CCND1: variants seen among roughly 807,000 people sequenced by gnomAD.
CCND1 encodes the protein cyclin D1, also known as G1/S-specific cyclin-D1.
CCND1 carries 9 observed loss-of-function variants against 26.1 expected under a neutral mutation model. The observed-to-expected ratio is 0.35, with a 90% confidence interval of 0.21 to 0.60. CCND1 has a LOEUF of 0.60. Ranked by LOEUF, CCND1 falls within the 20% of genes least tolerant of loss-of-function variation. CCND1 has a pLI of 0.79. For synonymous variants in CCND1, 194 were observed against 166.1 expected (o/e 1.17, Z -1.29); for missense variants, 335 against 392.9 (o/e 0.85, Z 1.25).
At chr11:69,643,785 G>C (rs1390082836) in intron 2 of CCND1, 47 bp from the exon 3 acceptor site, 1 of 1,565,516 alleles carries the variant, frequency 6.4e-7, no homozygotes, top group Non-Finnish European at 8.7e-7. Context: ...CCGCGCCCCC[G>C]GGCTGGCCCG....
chr11:69,646,564 G>A (rs542039472), intron 3 of CCND1, among the ~76,000 whole-genome samples: 1 of 152,304 alleles, frequency 6.6e-6, no homozygotes, highest in East Asian at 1.9e-4. Context: ...CGCGAGATGA[G>A]GCGATGGGGC....
intron 1 of CCND1, 70 bp downstream of exon 1, chr11:69,641,581 A>G (rs1855700596): frequency 7.1e-7 from 1 of 1,410,966 alleles, no homozygotes. Flanking sequence ...TTTCTTTGCT[A>G]CTCACCCCCC....
At chr11:69,650,325 C>T (rs3212887) in intron 4 of CCND1, among the ~76,000 whole-genome samples, 2,899 of 152,332 alleles carry the variant, frequency 0.019, 94 homozygotes, top group African/African-American at 0.066. Context: ...GGGACTTGCC[C>T]GTGGTGGAGC....
In CCND1 at chr11:69,654,408, G is replaced by A. The variant is rs763928703; in HGVS notation, c.*3126G>A. 1.9e-5 allele frequency: 13 copies of A among 695,258 alleles called. No homozygotes were observed. Among genetic ancestry groups the A allele is most frequent in the South Asian group, 3.0e-5 (2 of 67,166 alleles). 43.1% of individuals were successfully genotyped at this position (695,258 alleles called of 1,614,324 possible). On this transcript the variant is annotated 3_prime_UTR_variant, in exon 5 of 5. Transcript: ENST00000227507. This position sits in a 1 kb window ranked among gnomAD's most constrained non-coding sequence, Gnocchi z 6.3. ...CGCTTCCCAGCACCAACATGTAACCGGCATGTTTCCAGCAGAAGACAAAAA... is the reference window on the plus strand; with the variant it reads ...CGCTTCCCAGCACCAACATGTAACCAGCATGTTTCCAGCAGAAGACAAAAA...
rs909330324 is a variant in CCND1 at position 69,654,179 on chromosome 11, G to A, written c.*2897G>A. 3.3e-5 allele frequency: 23 copies of A among 701,680 alleles called. No individual in the cohort carries two copies. Among genetic ancestry groups the A allele is most frequent in the East Asian group, 1.3e-4 (5 of 37,190 alleles). 43.5% of individuals were successfully genotyped at this position (701,680 alleles called of 1,614,324 possible). On this transcript the variant is annotated 3_prime_UTR_variant, in exon 5 of 5. Coordinates refer to ENST00000227507, the MANE Select transcript of CCND1 (RefSeq NM_053056.3). This position sits in a 1 kb window ranked among gnomAD's most constrained non-coding sequence, Gnocchi z 6.3. ...TTACCTCAACCATCCTGGCTGCGGC[G>A]TCTGTCTGAACCACGCGGGGGCCTT...
intron 3 of CCND1, 97 bp downstream of exon 3, chr11:69,644,088 A>G (rs1590913715): frequency 1.6e-6 from 2 of 1,226,306 alleles, no homozygotes; most frequent in South Asian, 1.2e-5. Flanking sequence ...GCTGTCTGGG[A>G]AGATGTCCCC....
intron 1 of CCND1, among the ~76,000 whole-genome samples, chr11:69,642,155 T>C (rs1855714588): frequency 1.3e-5 from 2 of 150,690 alleles, no homozygotes; most frequent in Admixed American, 6.6e-5. Flanking sequence ...GGGGGGGCCT[T>C]TGTTCAAGCA....
In CCND1 at chr11:69,651,219, A is replaced by G. The variant is rs1385838367; in HGVS notation, c.825A>G (p.Glu275=). 1.9e-6 allele frequency: 3 copies of G among 1,603,652 alleles called. No homozygotes were observed. Among genetic ancestry groups the G allele is most frequent in the South Asian group, 1.1e-5 (1 of 90,432 alleles). ...ACCCCAAGGCCGCCGAGGAGGAGGA[A>G]GAGGAGGAGGAGGAGGTGGACCTGG... ...NMDPKAAEEE[E]EEEEEVDLAC... Residue 275 remains glutamate, a synonymous_variant, in exon 5 of 5, where the codon GAA becomes GAG. Coordinates refer to ENST00000227507, the MANE Select transcript of CCND1 (RefSeq NM_053056.3).
In CCND1 at chr11:69,651,271, G is replaced by C. The variant is rs1225090625; in HGVS notation, c.877G>C (p.Val293Leu). 1 of 1,530,968 alleles carries C rather than the reference G, an allele frequency of 6.5e-7. No individual in the cohort carries two copies. The highest frequency in any genetic ancestry group is 8.8e-7 in the Non-Finnish European group (1 of 1,135,838). The allele number at this position is 1,530,968 out of a possible 1,614,324, so 94.8% of individuals were successfully genotyped here. Residue 293 changes from valine (V) to leucine (L), a missense_variant, in exon 5 of 5, where the codon GTG becomes CTG. Coordinates refer to ENST00000227507, the MANE Select transcript of CCND1 (RefSeq NM_053056.3). ...LACTPTDVRD[V>L]DI is the part of the protein sequence containing the mutation. ...TTGCACACCCACCGACGTGCGGGAC[G>C]TGGACATCTGAGGGCGCCAGGCAGG...
chr11:69,649,161 C>G (rs1855823790), intron 4 of CCND1, among the ~76,000 whole-genome samples: 3 of 152,220 alleles, frequency 2.0e-5, no homozygotes, highest in Admixed American at 2.0e-4. Context: ...GCCCGCAGCT[C>G]TCTCAGGAAA....
At chr11:69,646,431 TCG>T (rs1156848308) in intron 3 of CCND1, among the ~76,000 whole-genome samples, 1 of 152,132 alleles carries the variant, frequency 6.6e-6, no homozygotes, top group Non-Finnish European at 1.5e-5. Flanking sequence ...GTTTATTCTC[TCG>T]GGATGAAGTC....
At chr11:69,647,898 G>A (rs969935859) in intron 3 of CCND1, 96 bp from the exon 4 acceptor site, 5 of 1,440,544 alleles carry the variant, frequency 3.5e-6, no homozygotes, top group African/African-American at 1.4e-5. Flanking sequence ...AGGCCGGGCC[G>A]CTTGCTCAGA....
At chr11:69,648,407 G>A (rs1478484939) in intron 4 of CCND1, among the ~76,000 whole-genome samples, 4 of 152,376 alleles carry the variant, frequency 2.6e-5, no homozygotes, top group African/African-American at 7.2e-5. Flanking sequence ...TGGGCGAAGC[G>A]TCCGGGACGG....
chr11:69,653,003 C>T lies in CCND1; in HGVS notation c.*1721C>T, dbSNP rs1037680665. On this transcript the variant is annotated 3_prime_UTR_variant, in exon 5 of 5. Transcript: ENST00000227507. ...AGGGTACTCAACCTAAGTTCGGTTC[C>T]GATGAATTCTTATCCCCTGCCCCTT... The T allele has an allele frequency of 9.4e-6, 4 of 425,970 alleles. No homozygotes were observed. Among genetic ancestry groups the T allele is most frequent in the South Asian group, 4.5e-5 (1 of 22,010 alleles). The allele number at this position is 425,970 out of a possible 1,614,324, so 26.4% of individuals were successfully genotyped here. A position where few individuals can be genotyped will look rare whatever the true frequency, so the allele number is the denominator to read the frequency against.
chr11:69,644,445 G>A (rs558736220), intron 3 of CCND1, among the ~76,000 whole-genome samples: 3 of 152,308 alleles, frequency 2.0e-5, no homozygotes, highest in Admixed American at 6.5e-5. Flanking sequence ...GCCTCCAGGG[G>A]CGGGGAGAGC....
chr11:69,654,390 C>T lies in CCND1; in HGVS notation c.*3108C>T. 1 of 700,230 alleles carries T rather than the reference C, an allele frequency of 1.4e-6. No homozygotes were observed. Among genetic ancestry groups the T allele is most frequent in the Non-Finnish European group, 2.6e-6 (1 of 383,438 alleles). 43.4% of individuals were successfully genotyped at this position (700,230 alleles called of 1,614,324 possible). A position where few individuals can be genotyped will look rare whatever the true frequency, so the allele number is the denominator to read the frequency against. ...TTTCTGGTTGCACCGCGGCGCTTCCCAGCACCAACATGTAACCGGCATGTT... is the reference window on the plus strand; with the variant it reads ...TTTCTGGTTGCACCGCGGCGCTTCCTAGCACCAACATGTAACCGGCATGTT... On this transcript the variant is annotated 3_prime_UTR_variant, in exon 5 of 5. Coordinates refer to ENST00000227507, the MANE Select transcript of CCND1 (RefSeq NM_053056.3). This position sits in a 1 kb window ranked among gnomAD's most constrained non-coding sequence, Gnocchi z 6.3.
At chr11:69,646,554 C>T (rs950122569) in intron 3 of CCND1, among the ~76,000 whole-genome samples, 1 of 152,180 alleles carries the variant, frequency 6.6e-6, no homozygotes. Context: ...CGCTCAGTGG[C>T]GCGAGATGAG....
intron 4 of CCND1, 29 bp from the exon 5 acceptor site, chr11:69,651,089 C>T (rs1402332678): frequency 6.2e-7 from 1 of 1,601,704 alleles, no homozygotes; most frequent in East Asian, 2.3e-5. Flanking sequence ...ACCCCCTCTT[C>T]CCACCTCTCC....
At chr11:69,643,754 G>A (rs1213341979) in intron 2 of CCND1, 78 bp from the exon 3 acceptor site, 4 of 1,434,598 alleles carry the variant, frequency 2.8e-6, no homozygotes, top group Non-Finnish European at 3.8e-6. Context: ...GCGTGGCCCG[G>A]CCCCCGTGCT....
Sources: allele counts gnomAD v4.1 joint callset (sites outside exome capture counted in the v4.1 genomes callset), GRCh38; gene constraint gnomAD v4.1.1; non-coding constraint Gnocchi (gnomAD v3.1); transcripts MANE v1.5; gene names NCBI Gene and HGNC (gene_info 2026-07-23, HGNC 2026-07-21).